PPM1D: variants seen among roughly 807,000 people sequenced by gnomAD.
PPM1D encodes protein phosphatase 1D.
A neutral mutation model predicts 58.3 loss-of-function variants in PPM1D; 52 were observed. The ratio of observed to expected loss-of-function variants is 0.89; its 90% confidence interval spans 0.71 to 1.12. The LOEUF (loss-of-function observed/expected upper bound fraction) is 1.12. Ranked by LOEUF, PPM1D falls within the 50% of genes most tolerant of loss-of-function variation. The probability of loss-of-function intolerance (pLI) is 0.00; values close to 1 mark genes in which losing one functional copy is unlikely to be tolerated. For synonymous variants in PPM1D, 278 were observed against 285.1 expected (o/e 0.98, Z 0.25); for missense variants, 564 against 777.2 (o/e 0.73, Z 3.26).
At chr17:60,606,809 G>A (rs79082910) in intron 1 of PPM1D, among the ~76,000 whole-genome samples, 1 of 151,860 alleles carries the variant, frequency 6.6e-6, no homozygotes, top group Admixed American at 6.6e-5. Context: ...TTCTTTTTTT[G>A]TGTGTGTGAC....
At chr17:60,642,789 G>A (rs1022077883) in intron 3 of PPM1D, among the ~76,000 whole-genome samples, 15 of 152,056 alleles carry the variant, frequency 9.9e-5, no homozygotes, top group Non-Finnish European at 1.6e-4. Context: ...ATTTTCAGCC[G>A]GGCACGGTGG....
At chr17:60,657,491 T>C (rs143040365) in intron 5 of PPM1D, among the ~76,000 whole-genome samples, 4 of 152,354 alleles carry the variant, frequency 2.6e-5, no homozygotes, top group Admixed American at 6.5e-5. Context: ...CTTTAATACA[T>C]AGCATGGCTA....
At chr17:60,610,548 C>A (rs1229832297) in intron 1 of PPM1D, among the ~76,000 whole-genome samples, 2 of 152,174 alleles carry the variant, frequency 1.3e-5, no homozygotes, top group African/African-American at 4.8e-5. Context: ...GAGGGGTTCT[C>A]TGAGAGCCCA....
intron 3 of PPM1D, among the ~76,000 whole-genome samples, chr17:60,647,582 TAGTATTA>T (rs2031272106): frequency 6.6e-6 from 1 of 152,204 alleles, no homozygotes; most frequent in Non-Finnish European, 1.5e-5. Context: ...GGACTCAGTA[TAGTATTA>T]GAAGAGAAGC....
At chr17:60,647,745 A>G (rs972087385) in intron 3 of PPM1D, 147 bp from the exon 4 acceptor site, 8 of 730,636 alleles carry the variant, frequency 1.1e-5, no homozygotes, top group African/African-American at 3.6e-5. Flanking sequence ...TTGCTAGGAA[A>G]TCTTATCATG....
At chr17:60,623,834 C>G (rs2030752210) in intron 2 of PPM1D, 85 bp downstream of exon 2, 2 of 1,302,662 alleles carry the variant, frequency 1.5e-6, no homozygotes, top group Non-Finnish European at 2.1e-6. Context: ...TACTACTGTC[C>G]CTTTTACTGA....
At chr17:60,609,561 G>A (rs1422164734) in intron 1 of PPM1D, among the ~76,000 whole-genome samples, 1 of 152,116 alleles carries the variant, frequency 6.6e-6, no homozygotes, top group Non-Finnish European at 1.5e-5. Flanking sequence ...GTGCTGTTGG[G>A]AGTAGCATGA....
At chr17:60,613,848 C>G (rs973926974) in intron 1 of PPM1D, among the ~76,000 whole-genome samples, 2 of 152,160 alleles carry the variant, frequency 1.3e-5, no homozygotes, top group African/African-American at 2.4e-5. Context: ...AGCTGACTCC[C>G]CATGAGGCAG....
intron 1 of PPM1D, among the ~76,000 whole-genome samples, chr17:60,616,156 C>CACACAACT (rs2030579701): frequency 6.6e-6 from 1 of 151,914 alleles, no homozygotes; most frequent in Non-Finnish European, 1.5e-5. Context: ...GGTGTGGTGG[C>CACACAACT]ACACAACTGT....
At chr17:60,641,951 C>T (rs2031141269) in intron 3 of PPM1D, among the ~76,000 whole-genome samples, 1 of 152,176 alleles carries the variant, frequency 6.6e-6, no homozygotes, top group South Asian at 2.1e-4. Context: ...CCCTTCAGCA[C>T]CCTCTACTGA....
intron 3 of PPM1D, among the ~76,000 whole-genome samples, chr17:60,646,486 T>A (rs1234586649): frequency 6.6e-6 from 1 of 152,202 alleles, no homozygotes; most frequent in East Asian, 1.9e-4. Context: ...AATCTTTTGC[T>A]TTTAATTTAG....
chr17:60,645,556 G>GTGTGTATATATGTATATATA (rs2031228256), intron 3 of PPM1D, among the ~76,000 whole-genome samples: 4 of 120,330 alleles, frequency 3.3e-5, no homozygotes, highest in African/African-American at 1.7e-4. Flanking sequence ...GTATATATAT[G>GTGTGTATATATGTATATATA]TGTGTGTATA....
At chr17:60,617,552 TAA>T (rs200500505) in intron 1 of PPM1D, among the ~76,000 whole-genome samples, 13 of 136,624 alleles carry the variant, frequency 9.5e-5, no homozygotes, top group Non-Finnish European at 9.5e-5. Context: ...ACCCTGTTGT[TAA>T]AAAAAAAAAA....
chr17:60,642,680 A>C (rs951886290), intron 3 of PPM1D, among the ~76,000 whole-genome samples: 1 of 152,062 alleles, frequency 6.6e-6, no homozygotes, highest in Admixed American at 6.5e-5. Context: ...GATGGTCTAA[A>C]TCTCTTGACC....
intron 4 of PPM1D, among the ~76,000 whole-genome samples, chr17:60,653,847 A>G (rs1368135345): frequency 6.6e-6 from 1 of 152,170 alleles, no homozygotes; most frequent in Non-Finnish European, 1.5e-5. Context: ...CTGTTGGTAT[A>G]TGTAAATGCT....
intron 3 of PPM1D, among the ~76,000 whole-genome samples, chr17:60,640,797 CTTTCTTTTCCTAAAAGAAATTGGAAA>C (rs2031118862): frequency 6.6e-6 from 1 of 151,960 alleles, no homozygotes; most frequent in Admixed American, 6.6e-5. Context: ...TGGTATTTGG[CTTTCTTTTCCTAAAAGAAATTGGAAA>C]TTTCTTTTAT....
intron 3 of PPM1D, among the ~76,000 whole-genome samples, chr17:60,643,031 AC>A (rs1183055353): frequency 6.6e-6 from 1 of 151,026 alleles, no homozygotes; most frequent in Non-Finnish European, 1.5e-5. Flanking sequence ...AGCCTGGGCA[AC>A]AGAGCGAGAC....
intron 3 of PPM1D, among the ~76,000 whole-genome samples, chr17:60,642,731 A>G (rs943651290): frequency 1.3e-5 from 2 of 152,056 alleles, no homozygotes; most frequent in African/African-American, 4.8e-5. Flanking sequence ...TTTTGGGATT[A>G]CAGGCGTGAG....
intron 3 of PPM1D, among the ~76,000 whole-genome samples, chr17:60,634,225 A>G (rs1001522178): frequency 2.6e-5 from 4 of 152,186 alleles, no homozygotes; most frequent in Non-Finnish European, 4.4e-5. Context: ...AGCCTAGCCA[A>G]CATGGTGAAA....
Sources: allele counts gnomAD v4.1 joint callset (sites outside exome capture counted in the v4.1 genomes callset), GRCh38; gene constraint gnomAD v4.1.1; transcripts MANE v1.5; gene names NCBI Gene and HGNC (gene_info 2026-07-23, HGNC 2026-07-21).